The following ANKRD17 variants were observed in gnomAD, a reference collection of about 807,000 sequenced individuals.
ANKRD17 encodes ankyrin repeat domain 17, also known as ankyrin repeat domain-containing protein 17.
A neutral mutation model predicts 229.7 loss-of-function variants in ANKRD17; 19 were observed. That is an observed-to-expected ratio of 0.08 (90% confidence interval 0.06 to 0.12). The LOEUF (loss-of-function observed/expected upper bound fraction) is 0.12. ANKRD17 is among the 10% of genes least tolerant of loss of function. The probability of loss-of-function intolerance (pLI) is 1.00; values close to 1 mark genes in which losing one functional copy is unlikely to be tolerated. For missense variants in ANKRD17, 2,176 were observed against 3,176.8 expected, an observed-to-expected ratio of 0.68 and a Z score of 7.57; for synonymous variants, 1,112 against 1,146.1, an observed-to-expected ratio of 0.97 and a Z score of 0.60.
intron 1 of ANKRD17, among the ~76,000 whole-genome samples, chr4:73,244,426 C>T (rs1295835777): frequency 6.6e-6 from 1 of 152,040 alleles, no homozygotes; most frequent in Non-Finnish European, 1.5e-5. Context: ...AATATGGTAG[C>T]CACTAGCTAC....
In ANKRD17 at chr4:73,098,830, G is replaced by C. The variant is rs1320891504; in HGVS notation, c.4574-310C>G. The C allele has an allele frequency of 2.0e-6, 3 of 1,529,418 alleles. 1 individual carries two copies. Among genetic ancestry groups the C allele is most frequent in the African/African-American group, 2.7e-5 (2 of 73,198 alleles). The allele number at this position is 1,529,418 out of a possible 1,614,324, so 94.7% of individuals were successfully genotyped here. On this transcript the variant is annotated intron_variant, in intron 25 of 33. Transcript: ENST00000358602. ...TCCTTAGAGAAGGGAAGATGAGTGA[G>C]TCGAGCTTGAAGTCCAGCCAGCCCT...
chr4:73,144,041 T>C (rs1342281270), intron 11 of ANKRD17, among the ~76,000 whole-genome samples: 1 of 152,174 alleles, frequency 6.6e-6, no homozygotes, highest in African/African-American at 2.4e-5. Context: ...ACACCTGGCT[T>C]CCTCTTTCTT....
intron 1 of ANKRD17, among the ~76,000 whole-genome samples, chr4:73,217,244 C>T (rs559966133): frequency 6.6e-6 from 1 of 152,304 alleles, no homozygotes; most frequent in Admixed American, 6.5e-5. Flanking sequence ...TCACATACTT[C>T]TAGTTATACT....
intron 1 of ANKRD17, among the ~76,000 whole-genome samples, chr4:73,230,134 C>T (rs1321812885): frequency 1.3e-5 from 2 of 151,908 alleles, no homozygotes; most frequent in African/African-American, 4.8e-5. Context: ...CAAAATAAGA[C>T]AGTTGAACAT....
At chr4:73,229,598 T>C (rs1742852898) in intron 1 of ANKRD17, among the ~76,000 whole-genome samples, 1 of 151,170 alleles carries the variant, frequency 6.6e-6, no homozygotes, top group South Asian at 2.1e-4. Flanking sequence ...AGAACTTCAA[T>C]TGATTATTTA....
At chr4:73,081,380 A>G (rs1453498573) in intron 30 of ANKRD17, among the ~76,000 whole-genome samples, 2 of 152,184 alleles carry the variant, frequency 1.3e-5, no homozygotes, top group Non-Finnish European at 2.9e-5. Flanking sequence ...GAGAGAGAAT[A>G]GCTATCCCTA....
chr4:73,190,598 A>AAC (rs780780092), intron 1 of ANKRD17, among the ~76,000 whole-genome samples: 1 of 151,672 alleles, frequency 6.6e-6, no homozygotes, highest in South Asian at 2.1e-4. Context: ...TAAGGGTGTA[A>AAC]ACACATACAG....
At chr4:73,165,785 T>C (rs765501021) in intron 2 of ANKRD17, among the ~76,000 whole-genome samples, 1 of 152,214 alleles carries the variant, frequency 6.6e-6, no homozygotes, top group Admixed American at 6.5e-5. Flanking sequence ...TACTTGCCAC[T>C]GCTGACTTAA....
intron 18 of ANKRD17, among the ~76,000 whole-genome samples, chr4:73,122,631 C>T (rs1025899983): frequency 9.2e-5 from 14 of 152,198 alleles, no homozygotes; most frequent in Middle Eastern, 3.4e-3. Context: ...GCTCTTACCC[C>T]TGCTCTTACT....
At position 73,156,015 on chromosome 4, in the gene ANKRD17, G is replaced by A. The variant is rs561836040; in HGVS notation, c.852+4C>T. Reference sequence around the variant, plus strand: ...CAAATAAGCTTTATTTTGATAATACGAACCTGTGCAAGCTCATAGTATCCA... The same window carrying A: ...CAAATAAGCTTTATTTTGATAATACAAACCTGTGCAAGCTCATAGTATCCA... On this transcript the variant is annotated splice_donor_region_variant and intron_variant, in intron 4 of 33. Transcript: ENST00000358602. 4.7e-5 allele frequency: 74 copies of A among 1,573,252 alleles called. No individual in the cohort carries two copies. The East Asian group carries it at 7.4e-4, about 16-fold the overall frequency.
At chr4:73,175,749 C>A (rs1436089482) in intron 2 of ANKRD17, among the ~76,000 whole-genome samples, 1 of 152,014 alleles carries the variant, frequency 6.6e-6, no homozygotes, top group Non-Finnish European at 1.5e-5. Flanking sequence ...AGCTGGATAT[C>A]CATATGCAGA....
At chr4:73,167,327 T>C (rs1733370905) in intron 2 of ANKRD17, among the ~76,000 whole-genome samples, 1 of 151,554 alleles carries the variant, frequency 6.6e-6, no homozygotes, top group African/African-American at 2.4e-5. Context: ...GAAAGGGAAG[T>C]AGGGGGAAGG....
chr4:73,076,439 T>C (rs1721010563), intron 33 of ANKRD17, 149 bp from the exon 34 acceptor site: 3 of 501,312 alleles, frequency 6.0e-6, no homozygotes, highest in Non-Finnish European at 9.8e-6. Flanking sequence ...TTTTCTATTA[T>C]TTTCCTACCT....
chr4:73,174,507 C>T (rs1258922201), intron 2 of ANKRD17, among the ~76,000 whole-genome samples: 1 of 152,146 alleles, frequency 6.6e-6, no homozygotes, highest in Non-Finnish European at 1.5e-5. Context: ...GAAAGCATCC[C>T]CCCAAGAACT....
Position 73,090,871 on chromosome 4 carries a change from G to A in ANKRD17, c.6757C>T (p.Pro2253Ser). 6.2e-7 allele frequency: 1 copy of A among 1,614,230 alleles called. No individual in the cohort carries two copies. Among genetic ancestry groups the A allele is most frequent in the Non-Finnish European group, 8.5e-7 (1 of 1,180,038 alleles). Reference sequence around the variant, plus strand: ...CTGTTTTCAAACAATGTGCTAAAGGGCCCAAATGGTAAGGGGGCACTGAAA... The same window carrying A: ...CTGTTTTCAAACAATGTGCTAAAGGACCCAAATGGTAAGGGGGCACTGAAA... Reference protein sequence around the residue: ...PNFSAPLPFGPFSTLFENSPT... With the variant: ...PNFSAPLPFGSFSTLFENSPT... The change falls in exon 29 of 34, where the codon CCC becomes TCC. Residue 2253 changes from proline to serine, a missense_variant. By Grantham distance (74) the Pro-to-Ser change is moderately conservative (BLOSUM62 -1). Coordinates refer to ENST00000358602, the MANE Select transcript of ANKRD17 (RefSeq NM_032217.5).
intron 1 of ANKRD17, among the ~76,000 whole-genome samples, chr4:73,181,301 C>T (rs900338432): frequency 5.3e-5 from 8 of 152,020 alleles, no homozygotes; most frequent in East Asian, 1.9e-4. Flanking sequence ...TGCATGATAC[C>T]AGCCTTGCTA....
intron 24 of ANKRD17, among the ~76,000 whole-genome samples, chr4:73,107,060 G>A (rs1264092156): frequency 6.6e-6 from 1 of 152,020 alleles, no homozygotes; most frequent in Admixed American, 6.6e-5. Flanking sequence ...GGAACAGAAG[G>A]CAGACACAGA....
intron 3 of ANKRD17, among the ~76,000 whole-genome samples, chr4:73,159,274 G>A (rs1732183724): frequency 6.6e-6 from 1 of 152,082 alleles, no homozygotes; most frequent in Non-Finnish European, 1.5e-5. Context: ...TCCTGTATAA[G>A]AGCATACCTT....
rs771910879 is a variant in ANKRD17, at chr4:73,077,476, G to C, written c.7466C>G (p.Ser2489Cys). The change falls in exon 32 of 34, where the codon TCT becomes TGT. Residue 2489 changes from serine (S) to cysteine (C), a missense_variant. Physicochemically the swap from Ser to Cys is moderately radical, Grantham distance 112 (BLOSUM62 -1). This residue lies in a region of ANKRD17 where 159 missense variants were observed against 214.3 expected (regional missense o/e 0.74). Coordinates refer to ENST00000358602, the MANE Select transcript of ANKRD17 (RefSeq NM_032217.5). ...ATGTTGTGAAAATACTCCTGGGTCA[G>C]ACATCGGTCTGTGGATCATAGGATT... ...MGNPMIHRPMSDPGVFSQHQA... is the reference protein window; with the variant it reads ...MGNPMIHRPMCDPGVFSQHQA... The C allele has an allele frequency of 1.7e-5, 28 of 1,613,520 alleles. No homozygotes were observed. The highest frequency in any genetic ancestry group is 2.3e-5 in the Non-Finnish European group (27 of 1,179,772).
Sources: gnomAD v4.1 joint callset for allele counts (sites outside exome capture counted in the v4.1 genomes callset) on GRCh38, gnomAD v4.1.1 for gene constraint, gnomAD v4.1.1 regional missense constraint, MANE v1.5 for transcripts, NCBI Gene and HGNC (gene_info 2026-07-23, HGNC 2026-07-21) for gene names.